The following NBR1 variants were observed in gnomAD, a reference collection of about 807,000 sequenced individuals.
NBR1 encodes NBR1 autophagy cargo receptor.
In NBR1, 59 loss-of-function variants were observed where a neutral mutation model predicts 115.5. That is an observed-to-expected ratio of 0.51 (90% CI 0.41 to 0.63). The LOEUF is 0.63. Among genes scored for constraint, NBR1 ranks in the 30% least tolerant of loss-of-function variants. The pLI is 0.00. For synonymous variants in NBR1, 373 were observed against 414.7 expected (o/e 0.90, Z 1.22); for missense variants, 1,043 against 1,150.5 (o/e 0.91, Z 1.35).
At chr17:43,187,502 C>CTTTTTTTTT (rs71160025) in intron 6 of NBR1, among the ~76,000 whole-genome samples, 2 of 68,836 alleles carry the variant, frequency 2.9e-5, no homozygotes, top group Non-Finnish European at 4.9e-5. Flanking sequence ...TATTTCCTGA[C>CTTTTTTTTT]TTTTTTTTTT....
intron 10 of NBR1, among the ~76,000 whole-genome samples, chr17:43,192,649 G>C (rs902851377): frequency 5.3e-5 from 8 of 152,202 alleles, no homozygotes; most frequent in Admixed American, 3.3e-4. Flanking sequence ...GATGACAGGC[G>C]TGAGCCACCG....
chr17:43,186,222 G>GT, intron 5 of NBR1, 28 bp from the exon 6 acceptor site: 1 of 1,537,028 alleles, frequency 6.5e-7, no homozygotes, highest in Non-Finnish European at 8.8e-7. Flanking sequence ...CACGTCGCAT[G>GT]TTTTTGTTTC....
intron 11 of NBR1, 25 bp downstream of exon 11, chr17:43,193,278 G>T (rs1200987910): frequency 6.2e-7 from 1 of 1,613,508 alleles, no homozygotes; most frequent in African/African-American, 1.3e-5. Context: ...AAAATGCAAA[G>T]ATGAGGTGAT....
At position 43,202,275 on chromosome 17, in the gene NBR1, T is replaced by C. The variant is rs180840888; in HGVS notation, c.2564-380T>C. On this transcript the variant is annotated intron_variant, in intron 18 of 20. Coordinates refer to ENST00000590996, the MANE Select transcript of NBR1 (RefSeq NM_005899.5). ...TGGCTGAATATATTGTTAGACCTCA[T>C]AGAGGTAGTGGAAAGAACACAGGCT... Among the ~76,000 whole-genome samples, 101 of 151,678 alleles carry C rather than the reference T, an allele frequency of 6.7e-4. No homozygotes were observed. In the Middle Eastern group the frequency reaches 0.014, roughly 21 times the overall value.
chr17:43,210,166 A>C lies in NBR1; in HGVS notation c.*92A>C. ...GGGATAGAAGCCCTTGCTTATTTTT[A>C]ATCTGATGAATCTGTATAGAGCCCA... On this transcript the variant is annotated 3_prime_UTR_variant, in exon 21 of 21. Transcript: ENST00000590996. 1 of 1,233,946 alleles carries C rather than the reference A, an allele frequency of 8.1e-7. No homozygotes were observed. Among genetic ancestry groups the C allele is most frequent in the East Asian group, 2.4e-5 (1 of 41,148 alleles). 76.4% of individuals were successfully genotyped at this position (1,233,946 alleles called of 1,614,324 possible).
intron 20 of NBR1, among the ~76,000 whole-genome samples, chr17:43,206,791 G>A (rs944494394): frequency 5.3e-5 from 8 of 152,098 alleles, no homozygotes; most frequent in Admixed American, 2.0e-4. Flanking sequence ...GGCTGGGCAC[G>A]GTGGCTCACA....
Position 43,175,897 on chromosome 17 carries a change from C to T in NBR1, c.98C>T (p.Ala33Val), listed in dbSNP as rs754225893. ...PENTTWADIEAMVKVSFDLNT... is the reference protein window; with the variant it reads ...PENTTWADIEVMVKVSFDLNT... ...AATACAACTTGGGCTGATATCGAAG[C>T]TATGGTGAGTGTTACTTTATTTTGT... is the stretch of plus-strand genomic sequence containing the variant. Residue 33 changes from alanine to valine, a missense_variant, in exon 2 of 21, where the codon GCT becomes GTT. Transcript: ENST00000590996. 1.9e-6 allele frequency: 3 copies of T among 1,551,660 alleles called. No individual in the cohort carries two copies. In the East Asian group the frequency reaches 6.7e-5, roughly 35 times the overall value.
chr17:43,206,437 C>G (rs1281461230), intron 20 of NBR1, among the ~76,000 whole-genome samples: 1 of 151,864 alleles, frequency 6.6e-6, no homozygotes, highest in Non-Finnish European at 1.5e-5. Context: ...GCGGGCAGAT[C>G]ACGAGGTCAG....
intron 15 of NBR1, 125 bp downstream of exon 15, chr17:43,196,716 GTT>G: frequency 1.1e-6 from 1 of 879,630 alleles, no homozygotes; most frequent in Non-Finnish European, 1.8e-6. Context: ...AGCATCTCAT[GTT>G]TTGAAGTCTC....
At chr17:43,200,114 A>C (rs1251742688) in intron 16 of NBR1, 53 bp from the exon 17 acceptor site, 142 of 1,401,154 alleles carry the variant, frequency 1.0e-4, no homozygotes, top group Non-Finnish European at 1.4e-4. Flanking sequence ...TAAGGATAGT[A>C]CTTAGGCCTG....
intron 16 of NBR1, among the ~76,000 whole-genome samples, chr17:43,199,792 T>C (rs2057154013): frequency 6.6e-6 from 1 of 152,222 alleles, no homozygotes; most frequent in Non-Finnish European, 1.5e-5. Context: ...CCTGCAATAC[T>C]CATCTCCTAA....
chr17:43,202,959 C>T (rs1187489014), intron 19 of NBR1, among the ~76,000 whole-genome samples: 2 of 152,110 alleles, frequency 1.3e-5, no homozygotes, highest in African/African-American at 4.8e-5. Context: ...AGTTCAAGAT[C>T]AGCCTGGCCA....
At position 43,179,719 on chromosome 17, in the gene NBR1, T is replaced by G. The variant is rs1465316306; in HGVS notation, c.184+307T>G. On this transcript the variant is annotated intron_variant, in intron 4 of 20. Coordinates refer to ENST00000590996, the MANE Select transcript of NBR1 (RefSeq NM_005899.5). Reference sequence around the variant, plus strand: ...CCATGGTGTTGCATTTGTTTCTGACTTGGTATATATGTTAATATCAACTTA... The same window carrying G: ...CCATGGTGTTGCATTTGTTTCTGACGTGGTATATATGTTAATATCAACTTA... Among the ~76,000 whole-genome samples, 5 of 152,248 alleles carry G rather than the reference T, an allele frequency of 3.3e-5. No homozygotes were observed. The East Asian group carries it at 9.6e-4, about 29-fold the overall frequency.
chr17:43,186,166 C>A, intron 5 of NBR1, 84 bp from the exon 6 acceptor site: 1 of 1,191,844 alleles, frequency 8.4e-7, no homozygotes, highest in Non-Finnish European at 1.2e-6. Flanking sequence ...ACTTACCACA[C>A]TCTTCTGTTT....
Position 43,194,456 on chromosome 17 carries a change from A to C in NBR1, c.1631A>C (p.Glu544Ala). ...CAGAAGGCAAAAAATGTTGCCAGTG[A>C]GAGGGAGCTCTACATCCCATCTGTG... ...IPQKAKNVAS[E>A]RELYIPSVDL... The change falls in exon 13 of 21, where the codon GAG (glutamate) becomes GCG (alanine). Residue 544 changes from glutamate (E) to alanine (A), a missense_variant. Transcript: ENST00000590996. The C allele has an allele frequency of 6.2e-7, 1 of 1,614,024 alleles. No individual in the cohort carries two copies. The highest frequency in any genetic ancestry group is 1.7e-4 in the Middle Eastern group (1 of 6,060).
intron 8 of NBR1, chr17:43,190,271 A>G (rs971089453): frequency 2.8e-5 from 10 of 351,380 alleles, no homozygotes; most frequent in Admixed American, 2.1e-4. Context: ...GGGTCTCCCT[A>G]TATTGCCCAG....
At chr17:43,206,267 TAGG>T (rs2057315814) in intron 20 of NBR1, among the ~76,000 whole-genome samples, 2 of 152,076 alleles carry the variant, frequency 1.3e-5, no homozygotes, top group South Asian at 4.1e-4. Context: ...GGCTAATTAA[TAGG>T]AGGAGCAATT....
chr17:43,205,220 G>A (rs1001390471), intron 20 of NBR1, among the ~76,000 whole-genome samples: 1 of 152,120 alleles, frequency 6.6e-6, no homozygotes, highest in African/African-American at 2.4e-5. Flanking sequence ...CAGGCATGGT[G>A]ATGTGTGCCT....
chr17:43,207,850 A>G (rs1055938043), intron 20 of NBR1, among the ~76,000 whole-genome samples: 2 of 152,224 alleles, frequency 1.3e-5, no homozygotes, highest in Non-Finnish European at 2.9e-5. Flanking sequence ...ATGGCAAGCC[A>G]ACGGTATCCA....
Sources: allele counts gnomAD v4.1 joint callset (sites outside exome capture counted in the v4.1 genomes callset), GRCh38; gene constraint gnomAD v4.1.1; transcripts MANE v1.5; gene names NCBI Gene and HGNC (gene_info 2026-07-23, HGNC 2026-07-21).